Variants in DLGAP2 observed in about 807,000 individuals in gnomAD.
The protein encoded by DLGAP2 is disks large-associated protein 2.
A neutral mutation model predicts 100.3 loss-of-function variants in DLGAP2; 26 were observed. That is an observed-to-expected ratio of 0.26 (90% CI 0.19 to 0.36). The LOEUF (loss-of-function observed/expected upper bound fraction) is 0.36, where lower values mean the gene tolerates loss of function less well. Ranked by LOEUF, DLGAP2 falls within the 10% of genes least tolerant of loss-of-function variation. The pLI, the probability that DLGAP2 is intolerant of heterozygous loss-of-function variation, is 1.00. For synonymous variants in DLGAP2, 886 were observed against 630.1 expected (o/e 1.41, Z -6.08); for missense variants, 1,858 against 1,453.2 (o/e 1.28, Z -4.53).
chr8:1,046,835 C>G (rs1263268602), intron 2 of DLGAP2, among the ~76,000 whole-genome samples: 1 of 152,104 alleles, frequency 6.6e-6, no homozygotes, highest in Non-Finnish European at 1.5e-5. Flanking sequence ...CACCACAACC[C>G]CCCTTTTTTT....
intron 1 of DLGAP2, among the ~76,000 whole-genome samples, chr8:764,099 G>A (rs1821151764): frequency 6.6e-6 from 1 of 152,142 alleles, no homozygotes; most frequent in Admixed American, 6.5e-5. Flanking sequence ...ATAGACTGGC[G>A]AGGTACTGAG....
chr8:1,207,442 G>GTA (rs1338931386), intron 2 of DLGAP2, among the ~76,000 whole-genome samples: 1 of 152,106 alleles, frequency 6.6e-6, no homozygotes, highest in Non-Finnish European at 1.5e-5. Context: ...GTATTCCATG[G>GTA]TATATATATA....
rs1298231738 is a variant in DLGAP2 at position 808,243 on chromosome 8, G to A, written c.18+70418G>A. On this transcript the variant is annotated intron_variant, in intron 1 of 14. Transcript: ENST00000637795. ...CTCTGCCTCAGTGATACGTGTTGAC[G>A]ATGACTTACATGTGCATGTAGCGGT... 3.9e-5 allele frequency among the ~76,000 whole-genome samples: 6 copies of A among 152,204 alleles called. 1 individual carries two copies. The highest frequency in any genetic ancestry group is 1.4e-4 in the African/African-American group (6 of 41,456).
At chr8:1,180,472 G>T (rs1349178831) in intron 2 of DLGAP2, among the ~76,000 whole-genome samples, 2 of 152,226 alleles carry the variant, frequency 1.3e-5, no homozygotes, top group Non-Finnish European at 2.9e-5. Context: ...GGGATCTCAG[G>T]CAGGAGCCAC....
chr8:797,717 G>A (rs1796064013), intron 1 of DLGAP2, among the ~76,000 whole-genome samples: 1 of 152,112 alleles, frequency 6.6e-6, no homozygotes, highest in African/African-American at 2.4e-5. Flanking sequence ...ATCAGCACTT[G>A]CTGGTGTCAG....
chr8:803,351 A>C (rs1486526791), intron 1 of DLGAP2, among the ~76,000 whole-genome samples: 1 of 152,002 alleles, frequency 6.6e-6, no homozygotes. Context: ...CTTGTGGTTT[A>C]TTCCTTGCTA....
At chr8:979,996 G>T (rs1439620051) in intron 2 of DLGAP2, among the ~76,000 whole-genome samples, 1 of 152,194 alleles carries the variant, frequency 6.6e-6, no homozygotes, top group African/African-American at 2.4e-5. Flanking sequence ...ATGTCTGTCT[G>T]CAACCTCTAG....
intron 2 of DLGAP2, among the ~76,000 whole-genome samples, chr8:1,201,986 G>C (rs1189967568): frequency 6.6e-6 from 1 of 151,676 alleles, no homozygotes; most frequent in Non-Finnish European, 1.5e-5. Flanking sequence ...GTGTATCTGT[G>C]TATATGTGGT....
chr8:1,338,988 G>T (rs371475128), intron 3 of DLGAP2, among the ~76,000 whole-genome samples: 1 of 140,158 alleles, frequency 7.1e-6, no homozygotes, highest in East Asian at 2.0e-4. Flanking sequence ...TCAGTGAGGC[G>T]TCAGGACCTG....
intron 2 of DLGAP2, among the ~76,000 whole-genome samples, chr8:1,201,259 G>A (rs1171567658): frequency 1.3e-5 from 2 of 152,338 alleles, no homozygotes; most frequent in African/African-American, 4.8e-5. Context: ...AGGCTGGCAG[G>A]TCCCAACCAC....
At chr8:951,756 C>G (rs1051496271) in intron 2 of DLGAP2, among the ~76,000 whole-genome samples, 17 of 152,220 alleles carry the variant, frequency 1.1e-4, no homozygotes, top group African/African-American at 4.1e-4. Flanking sequence ...GGGCGTCATG[C>G]ATTTCCTAGA....
chr8:973,969 C>T (rs907604947), intron 2 of DLGAP2, among the ~76,000 whole-genome samples: 3 of 151,574 alleles, frequency 2.0e-5, no homozygotes, highest in South Asian at 2.1e-4. Context: ...CCGGGCCACT[C>T]GGTCGCCAGA....
chr8:1,017,510 A>G (rs1203537644), intron 2 of DLGAP2, among the ~76,000 whole-genome samples: 5 of 106,790 alleles, frequency 4.7e-5, no homozygotes, highest in South Asian at 3.0e-4. Flanking sequence ...GTGTGTGACC[A>G]GGACAGACGC....
intron 2 of DLGAP2, among the ~76,000 whole-genome samples, chr8:1,153,808 C>T (rs552924971): frequency 1.3e-5 from 2 of 152,234 alleles, no homozygotes; most frequent in African/African-American, 2.4e-5. Flanking sequence ...GATCTCATTT[C>T]AGTGGTAAAA....
In DLGAP2 at chr8:1,549,611, C is replaced by T; in HGVS notation, c.1158C>T (p.Ser386=). 2 of 1,589,056 alleles carry T rather than the reference C, an allele frequency of 1.3e-6. No individual in the cohort carries two copies. Among genetic ancestry groups the T allele is most frequent in the Non-Finnish European group, 1.7e-6 (2 of 1,170,432 alleles). The change falls in exon 5 of 15, where the codon AGC becomes AGT. Residue 386 remains serine (S), a synonymous_variant. Coordinates refer to ENST00000637795, the MANE Select transcript of DLGAP2 (RefSeq NM_001346810.2). ...VSQAKEAYRK[S]SLNLDKPLLH... ...AGGCCAAGGAGGCCTACCGCAAGAG[C>T]TCGCTGAACCTGGACAAGCCGCTGC...
At chr8:1,447,707 A>G (rs1354491661) in intron 3 of DLGAP2, among the ~76,000 whole-genome samples, 4 of 152,126 alleles carry the variant, frequency 2.6e-5, no homozygotes, top group African/African-American at 9.7e-5. Context: ...CTGTGAATCC[A>G]TTTGGTCCTG....
intron 2 of DLGAP2, among the ~76,000 whole-genome samples, chr8:1,112,939 A>T (rs1170525101): frequency 6.6e-6 from 1 of 152,194 alleles, no homozygotes; most frequent in Non-Finnish European, 1.5e-5. Context: ...CGGTTATCCC[A>T]GCACCCTTTG....
chr8:1,588,203 A>T (rs1050476623), intron 6 of DLGAP2, among the ~76,000 whole-genome samples: 1 of 152,220 alleles, frequency 6.6e-6, no homozygotes, highest in Non-Finnish European at 1.5e-5. Flanking sequence ...CTGTATTTTT[A>T]GCTGAAAAAA....
intron 3 of DLGAP2, among the ~76,000 whole-genome samples, chr8:1,317,193 T>C (rs1245698291): frequency 7.9e-6 from 1 of 126,500 alleles, no homozygotes; most frequent in East Asian, 2.3e-4. Flanking sequence ...GAGTGCAGCG[T>C]CTCTCCAACA....
Sources: allele counts gnomAD v4.1 joint callset (sites outside exome capture counted in the v4.1 genomes callset), GRCh38; gene constraint gnomAD v4.1.1; transcripts MANE v1.5; gene names NCBI Gene and HGNC (gene_info 2026-07-23, HGNC 2026-07-21).